The following LRRC45 variants were observed in gnomAD, a reference collection of about 807,000 sequenced individuals.
LRRC45 encodes the protein leucine rich repeat containing 45.
A neutral mutation model predicts 85.4 loss-of-function variants in LRRC45; 73 were observed. The observed-to-expected ratio is 0.85, with a 90% CI of 0.71 to 1.04. LRRC45 has a LOEUF of 1.04. Among genes scored for constraint, LRRC45 ranks in the 50% least tolerant of loss-of-function variants. The pLI, the probability that LRRC45 is intolerant of heterozygous loss-of-function variation, is 0.00. For synonymous variants in LRRC45, 429 were observed against 386.0 expected (o/e 1.11, Z -1.31); for missense variants, 937 against 883.3 (o/e 1.06, Z -0.77).
chr17:82,024,988 C>T lies in LRRC45; in HGVS notation c.354-12C>T. 1 of 1,552,174 alleles carries T rather than the reference C, an allele frequency of 6.4e-7. No individual in the cohort carries two copies. The highest frequency in any genetic ancestry group is 8.7e-7 in the Non-Finnish European group (1 of 1,147,132). On this transcript the variant is annotated splice_polypyrimidine_tract_variant and intron_variant, in intron 3 of 16. Transcript: ENST00000306688. ...TCCCCTAGGTGAACACTGGCTTCTG[C>T]CCCTCCTGCAGCCTCACGCTGGAGT... is the stretch of plus-strand genomic sequence containing the variant.
At position 82,025,524 on chromosome 17, in the gene LRRC45, T is replaced by C. The variant is rs1388913482; in HGVS notation, c.661+17T>C. ...GAGCCGTGGGTACGGTGCAGGGCTG[T>C]GTGGAGTGACGCGTGAGCCTTTGAC... is the stretch of plus-strand genomic sequence containing the variant. On this transcript the variant is annotated intron_variant, in intron 5 of 16. Coordinates refer to ENST00000306688, the MANE Select transcript of LRRC45 (RefSeq NM_144999.4). 1 of 1,541,384 alleles carries C rather than the reference T, an allele frequency of 6.5e-7. No individual in the cohort carries two copies. Among genetic ancestry groups the C allele is most frequent in the Admixed American group, 2.0e-5 (1 of 51,144 alleles).
chr17:82,025,639 G>A, intron 5 of LRRC45, 132 bp downstream of exon 5: 3 of 1,214,358 alleles, frequency 2.5e-6, no homozygotes, highest in Non-Finnish European at 3.3e-6. Flanking sequence ...GCAGGAAGGA[G>A]CGGAGGGGTC....
chr17:82,025,342 G>C (rs376595342), intron 4 of LRRC45, 37 bp from the exon 5 acceptor site: 16 of 1,545,848 alleles, frequency 1.0e-5, no homozygotes, highest in Non-Finnish European at 1.3e-5. Context: ...CCCTCTGCCA[G>C]GTGCATTCTG....
Position 82,027,994 on chromosome 17 carries a change from G to C in LRRC45, c.912-17G>C, listed in dbSNP as rs767330027. 15 of 1,587,464 alleles carry C rather than the reference G, an allele frequency of 9.4e-6. No individual in the cohort carries two copies. Among genetic ancestry groups the C allele is most frequent in the African/African-American group, 5.4e-5 (4 of 74,188 alleles). The stretch of plus-strand genomic sequence containing the variant: ...AAACTCCAACCGGGGCGGGGGTGCT[G>C]CCCCTCCTTTCTGCAGGCTGCAGAT... On this transcript the variant is annotated splice_polypyrimidine_tract_variant and intron_variant, in intron 8 of 16. Transcript: ENST00000306688.
intron 12 of LRRC45, 65 bp from the exon 13 acceptor site, chr17:82,029,028 T>A (rs780963148): frequency 7.0e-7 from 1 of 1,436,358 alleles, no homozygotes; most frequent in Non-Finnish European, 9.6e-7. Context: ...GGGTGGGGAG[T>A]CCGTGAGGAG....
At chr17:82,027,080 C>T in intron 6 of LRRC45, 69 bp downstream of exon 6, 7 of 1,329,788 alleles carry the variant, frequency 5.3e-6, no homozygotes, top group East Asian at 2.5e-5. Flanking sequence ...TCCTTCCTCC[C>T]TCAGCCCCGT....
In LRRC45 at chr17:82,030,160, G is replaced by A; in HGVS notation, c.1590G>A (p.Val530=). ...QGACLQQKQV[V]AEAQTRVSQL... The stretch of plus-strand genomic sequence containing the variant: ...CTTGCCTACAGCAGAAGCAGGTGGT[G>A]GCCGAGGCCCAGACCCGGGTCAGCC... Residue 530 remains valine (V), a synonymous_variant, in exon 15 of 17, where the codon GTG becomes GTA. Coordinates refer to ENST00000306688, the MANE Select transcript of LRRC45 (RefSeq NM_144999.4). 2 of 1,547,372 alleles carry A rather than the reference G, an allele frequency of 1.3e-6. No homozygotes were observed. Among genetic ancestry groups the A allele is most frequent in the African/African-American group, 1.4e-5 (1 of 73,120 alleles).
In LRRC45 at chr17:82,028,684, G is replaced by A; in HGVS notation, c.1308+1G>A. ...CTCCGAAAGCCTGCGCATCAAGGAGGTGCCCTCTTCGTTGGCCTCTAATGC... is the reference window on the plus strand; with the variant it reads ...CTCCGAAAGCCTGCGCATCAAGGAGATGCCCTCTTCGTTGGCCTCTAATGC... On this transcript the variant is annotated splice_donor_variant, in intron 12 of 16. Coordinates refer to ENST00000306688, the MANE Select transcript of LRRC45 (RefSeq NM_144999.4). LOFTEE classifies it high-confidence loss of function. The A allele has an allele frequency of 6.2e-7, 1 of 1,611,614 alleles. No homozygotes were observed.
In LRRC45 at chr17:82,023,602, C is replaced by A; in HGVS notation, c.-42C>A. 1 of 1,472,798 alleles carries A rather than the reference C, an allele frequency of 6.8e-7. No homozygotes were observed. The highest frequency in any genetic ancestry group is 1.3e-5 in the South Asian group (1 of 76,440). The allele number at this position is 1,472,798 out of a possible 1,614,324, so 91.2% of individuals were successfully genotyped here. A position where few individuals can be genotyped will look rare whatever the true frequency, so the allele number is the denominator to read the frequency against. On this transcript the variant is annotated 5_prime_UTR_variant, in exon 1 of 17. The change creates a new upstream start codon in the 5' untranslated region. Coordinates refer to ENST00000306688, the MANE Select transcript of LRRC45 (RefSeq NM_144999.4). Reference sequence around the variant, plus strand: ...GCACCGCGCGGCTCCCTTTCAGCAGCTGCGGGAGCATGCGGAGGAGGCCCT... The same window carrying A: ...GCACCGCGCGGCTCCCTTTCAGCAGATGCGGGAGCATGCGGAGGAGGCCCT...
At chr17:82,029,304 GC>G in intron 13 of LRRC45, 119 bp downstream of exon 13, 1 of 1,081,810 alleles carries the variant, frequency 9.2e-7, no homozygotes, top group Non-Finnish European at 1.3e-6. Context: ...AGGCTCATAG[GC>G]CCCACCTTGG....
rs1476786211 is a variant in LRRC45 at position 82,029,077 on chromosome 17, C to T, written c.1309-16C>T. 6.2e-7 allele frequency: 1 copy of T among 1,609,516 alleles called. No homozygotes were observed. The highest frequency in any genetic ancestry group is 8.5e-7 in the Non-Finnish European group (1 of 1,178,592). ...CCGCTCTCCACTCTGGCCCCACAATCCCTGCCCCTGAGCAGGTGGAGCATA... is the reference window on the plus strand; with the variant it reads ...CCGCTCTCCACTCTGGCCCCACAATTCCTGCCCCTGAGCAGGTGGAGCATA... On this transcript the variant is annotated splice_polypyrimidine_tract_variant and intron_variant, in intron 12 of 16. Coordinates refer to ENST00000306688, the MANE Select transcript of LRRC45 (RefSeq NM_144999.4).
intron 5 of LRRC45, among the ~76,000 whole-genome samples, chr17:82,026,564 T>TTG (rs550616399): frequency 0.039 from 5,340 of 137,482 alleles, 103 homozygotes; most frequent in East Asian, 0.057. Context: ...CACAGCTCCT[T>TTG]TGTGTGTGTG....
At chr17:82,025,547 G>C in intron 5 of LRRC45, 40 bp downstream of exon 5, 2 of 1,492,756 alleles carry the variant, frequency 1.3e-6, no homozygotes, top group South Asian at 1.4e-5. Flanking sequence ...GTGAGCCTTT[G>C]ACAGAGGCCT....
At chr17:82,026,711 T>G in intron 5 of LRRC45, 188 bp from the exon 6 acceptor site, 1 of 441,060 alleles carries the variant, frequency 2.3e-6, no homozygotes. Context: ...CCCGAGTACC[T>G]GGGATTACAG....
Position 82,030,115 on chromosome 17 carries a change from A to G in LRRC45, c.1545A>G (p.Ala515=). 6.5e-7 allele frequency: 1 copy of G among 1,547,664 alleles called. No individual in the cohort carries two copies. The highest frequency in any genetic ancestry group is 8.7e-7 in the Non-Finnish European group (1 of 1,147,152). ...LEDKLRLLAQ[A]RDEAQGACLQ... ...ACAAGCTGAGACTGCTGGCGCAGGC[A>G]CGGGACGAGGCGCAGGGCGCTTGCC... is the stretch of plus-strand genomic sequence containing the variant. The change falls in exon 15 of 17, where the codon GCA becomes GCG. Residue 515 remains alanine, a synonymous_variant. Coordinates refer to ENST00000306688, the MANE Select transcript of LRRC45 (RefSeq NM_144999.4).
rs535685763 is a variant in LRRC45 at position 82,030,219 on chromosome 17, G to T, written c.1649G>T (p.Arg550Leu). 41 of 1,535,360 alleles carry T rather than the reference G, an allele frequency of 2.7e-5. No homozygotes were observed. Among genetic ancestry groups the T allele is most frequent in the Non-Finnish European group, 3.6e-5 (41 of 1,137,676 alleles). The part of the protein sequence containing the change: ...LGLQVEGLRR[R>L]LEELQQELSL... ...CTGCAAGTTGAGGGCCTGCGGCGGC[G>T]CCTGGAAGAGCTGCAGCAGGTAGGC... The change falls in exon 15 of 17, where the codon CGC becomes CTC. Residue 550 changes from arginine (R) to leucine (L), a missense_variant. Arg to Leu is a moderately radical substitution (Grantham distance 102). Transcript: ENST00000306688.
Position 82,028,145 on chromosome 17 carries a change from A to C in LRRC45, c.1046A>C (p.Gln349Pro). Residue 349 changes from glutamine to proline, a missense_variant and splice_region_variant, in exon 9 of 17, where the codon CAG (glutamine) becomes CCG (proline). Physicochemically the swap from Gln to Pro is moderately conservative, Grantham distance 76. Transcript: ENST00000306688. ...GCCAAGGAGCTCAAGCTGGAGCAGC[A>C]GGTGGGTGGGCAGGGCTTGAGAGGG... ...RQAKELKLEQ[Q>P]EAAERESKLL... is the part of the protein sequence containing the mutation. 6.4e-7 allele frequency: 1 copy of C among 1,562,254 alleles called. No homozygotes were observed. The highest frequency in any genetic ancestry group is 8.7e-7 in the Non-Finnish European group (1 of 1,153,526).
rs545393622 is a variant in LRRC45 at position 82,026,832 on chromosome 17, G to A, written c.662-67G>A. ...TGACCTCAGGTGATCCACCCACCTC[G>A]ACCTCCCAAAGTGCTGGGATTCCAG... On this transcript the variant is annotated intron_variant, in intron 5 of 16. Coordinates refer to ENST00000306688, the MANE Select transcript of LRRC45 (RefSeq NM_144999.4). The A allele has an allele frequency of 4.1e-4, 544 of 1,335,832 alleles. 4 individuals carry two copies. In the South Asian group the frequency reaches 6.1e-3, roughly 15 times the overall value. The allele number at this position is 1,335,832 out of a possible 1,614,324, so 82.7% of individuals were successfully genotyped here.
chr17:82,024,368 A>T, intron 2 of LRRC45, 29 bp downstream of exon 2: 1 of 1,611,126 alleles, frequency 6.2e-7, no homozygotes, highest in South Asian at 1.1e-5. Flanking sequence ...TGAGTGTCCG[A>T]GTGTGCCACC....
Sources: allele counts gnomAD v4.1 joint callset (sites outside exome capture counted in the v4.1 genomes callset), GRCh38; gene constraint gnomAD v4.1.1; transcripts MANE v1.5; gene names NCBI Gene and HGNC (gene_info 2026-07-23, HGNC 2026-07-21).